The following ABRAXAS1 variants were observed in gnomAD, a reference collection of about 807,000 sequenced individuals.
ABRAXAS1 encodes abraxas 1, BRCA1 A complex subunit, also known as BRCA1-A complex subunit Abraxas 1.
Under a neutral mutation model 38.4 loss-of-function variants are expected in ABRAXAS1, and 26 were observed. The observed-to-expected ratio is 0.68, with a 90% CI of 0.50 to 0.94. ABRAXAS1 has a LOEUF of 0.94. Among genes scored for constraint, ABRAXAS1 ranks in the 40% least tolerant of loss-of-function variants. The pLI, the probability that ABRAXAS1 is intolerant of heterozygous loss-of-function variation, is 0.00. For synonymous variants in ABRAXAS1, 144 were observed against 165.5 expected (o/e 0.87, Z 1.00); for missense variants, 438 against 481.9 (o/e 0.91, Z 0.85).
rs1340107537 is a variant in ABRAXAS1, at chr4:83,469,082, TAC to T, written c.544_545del (p.Val182IlefsTer10). The T allele has an allele frequency of 6.2e-7, 1 of 1,613,936 alleles. No homozygotes were observed. Among genetic ancestry groups the T allele is most frequent in the East Asian group, 2.2e-5 (1 of 44,878 alleles). ...AACCAGTGGACATACAGGAACCTGATACAGTTTTATAACCCAGTTGTTCAGAC... is the reference window on the plus strand; with the variant it reads ...AACCAGTGGACATACAGGAACCTGATAGTTTTATAACCCAGTTGTTCAGAC... The part of the protein sequence containing the change: ...GMSEQLGYKT[V>X]SGSCMSTGFS... On this transcript the variant is annotated frameshift_variant, in exon 6 of 9. Transcript: ENST00000321945. LOFTEE classifies it high-confidence loss of function.
chr4:83,467,654 AC>A, intron 6 of ABRAXAS1, 116 bp from the exon 7 acceptor site: 1 of 624,100 alleles, frequency 1.6e-6, no homozygotes, highest in Non-Finnish European at 2.8e-6. Flanking sequence ...TTTTGTAGGA[AC>A]CATAATTTTG....
At chr4:83,467,354 A>C in intron 7 of ABRAXAS1, 100 bp downstream of exon 7, 1 of 737,932 alleles carries the variant, frequency 1.4e-6, no homozygotes, top group South Asian at 1.5e-5. Flanking sequence ...ATAACTGTAT[A>C]AATCTAATCA....
At position 83,459,732 on chromosome 4, in the gene ABRAXAS1, CA is replaced by C; in HGVS notation, c.*2736del. On this transcript the variant is annotated 3_prime_UTR_variant, in exon 9 of 9. Coordinates refer to ENST00000321945, the MANE Select transcript of ABRAXAS1 (RefSeq NM_139076.3). Reference sequence around the variant, plus strand: ...TTTTTTTCCCCTCCACATAAAACTCCAAAACAGCTTTTGTCCCAGTTTGTTT... The same window carrying C: ...TTTTTTTCCCCTCCACATAAAACTCCAAACAGCTTTTGTCCCAGTTTGTTT... 1 of 1,607,194 alleles carries C rather than the reference CA, an allele frequency of 6.2e-7. No homozygotes were observed. Among genetic ancestry groups the C allele is most frequent in the South Asian group, 1.1e-5 (1 of 89,494 alleles).
At chr4:83,464,517 A>C (rs935363459) in intron 7 of ABRAXAS1, among the ~76,000 whole-genome samples, 2 of 152,180 alleles carry the variant, frequency 1.3e-5, no homozygotes, top group Non-Finnish European at 2.9e-5. Flanking sequence ...ACTAATTAGT[A>C]AAAAAAGCAA....
rs183976857 is a variant in ABRAXAS1, at chr4:83,476,733, T to C, written c.179-54A>G. ...TACATTAATTCAATTCAGAATCACC[T>C]GAATGCTGCATATTGAGCCTTTACC... On this transcript the variant is annotated intron_variant, in intron 2 of 8. Coordinates refer to ENST00000321945, the MANE Select transcript of ABRAXAS1 (RefSeq NM_139076.3). 104 of 1,181,018 alleles carry C rather than the reference T, an allele frequency of 8.8e-5. 1 individual carries two copies. The highest frequency in any genetic ancestry group is 3.0e-5 in the Non-Finnish European group (24 of 794,314). 73.2% of individuals were successfully genotyped at this position (1,181,018 alleles called of 1,614,324 possible). A position where few individuals can be genotyped will look rare whatever the true frequency, so the allele number is the denominator to read the frequency against.
In ABRAXAS1 at chr4:83,469,139, C is replaced by T; in HGVS notation, c.489G>A (p.Arg163=). 2.5e-6 allele frequency: 4 copies of T among 1,613,390 alleles called. No individual in the cohort carries two copies. The highest frequency in any genetic ancestry group is 3.4e-6 in the Non-Finnish European group (4 of 1,179,642). ...CCAGATTGGCAACCACTAAAGGTAC[C>T]CTGTGAAAAAGTCTGACAAAATAAA... ...LYKPQKGLFH[R]VPLVVANLGM... The change falls in exon 6 of 9, where the codon AGG becomes AGA. Residue 163 remains arginine, a synonymous_variant. Transcript: ENST00000321945.
At position 83,462,234 on chromosome 4, in the gene ABRAXAS1, C is replaced by T. The variant is rs1722146013; in HGVS notation, c.*235G>A. ...AAAGAATGTGTCTGTGTAAGCCTTC[C>T]CCTCAACAACTTAGTGAAAGGTGAA... On this transcript the variant is annotated 3_prime_UTR_variant, in exon 9 of 9. Transcript: ENST00000321945. The T allele has an allele frequency of 4.3e-6, 2 of 467,994 alleles. No individual in the cohort carries two copies. The highest frequency in any genetic ancestry group is 3.9e-5 in the African/African-American group (2 of 50,886). 29.0% of individuals were successfully genotyped at this position (467,994 alleles called of 1,614,324 possible).
chr4:83,469,478 G>A (rs1166876661), intron 5 of ABRAXAS1: 6 of 221,660 alleles, frequency 2.7e-5, no homozygotes, highest in African/African-American at 9.1e-5. Flanking sequence ...CACCACACCC[G>A]ACTAATTTTT....
chr4:83,469,573 G>C (rs113919211), intron 5 of ABRAXAS1: 50 of 184,596 alleles, frequency 2.7e-4, no homozygotes, highest in African/African-American at 1.2e-3. Flanking sequence ...TTACAGGTAT[G>C]AGTCACCACA....
chr4:83,463,620 A>G lies in ABRAXAS1; in HGVS notation c.682-12T>C. 1.3e-6 allele frequency: 2 copies of G among 1,485,810 alleles called. No individual in the cohort carries two copies. The highest frequency in any genetic ancestry group is 1.9e-6 in the Non-Finnish European group (2 of 1,071,878). The allele number at this position is 1,485,810 out of a possible 1,614,324, so 92.0% of individuals were successfully genotyped here. ...TTTTTGCATATACTCTGCAAAATAA[A>G]GTAATTTAAGGGCATAGGTAATATT... On this transcript the variant is annotated splice_polypyrimidine_tract_variant and intron_variant, in intron 7 of 8. Coordinates refer to ENST00000321945, the MANE Select transcript of ABRAXAS1 (RefSeq NM_139076.3).
intron 7 of ABRAXAS1, 150 bp from the exon 8 acceptor site, chr4:83,463,758 TGTCA>T (rs1722241032): frequency 2.3e-6 from 1 of 430,808 alleles, no homozygotes; most frequent in Admixed American, 4.2e-5. Flanking sequence ...TTCTGGAGGA[TGTCA>T]GTAACAAGCA....
chr4:83,482,120 G>A, intron 2 of ABRAXAS1, 34 bp downstream of exon 2: 1 of 1,313,464 alleles, frequency 7.6e-7, no homozygotes, highest in East Asian at 2.3e-5. Context: ...AGGAGACACA[G>A]ATGATTCAAA....
chr4:83,478,362 C>T (rs922602479), intron 2 of ABRAXAS1: 15 of 587,812 alleles, frequency 2.6e-5, no homozygotes, highest in African/African-American at 3.7e-5. Flanking sequence ...CTGGCTTTGG[C>T]GTGGACCCTG....
At position 83,461,037 on chromosome 4, in the gene ABRAXAS1, G is replaced by C. The variant is rs750295282; in HGVS notation, c.*1432C>G. 30 of 1,612,798 alleles carry C rather than the reference G, an allele frequency of 1.9e-5. No individual in the cohort carries two copies. The highest frequency in any genetic ancestry group is 1.5e-4 in the South Asian group (14 of 90,940). On this transcript the variant is annotated 3_prime_UTR_variant, in exon 9 of 9. Coordinates refer to ENST00000321945, the MANE Select transcript of ABRAXAS1 (RefSeq NM_139076.3). ...TTAAGAGAGCTCAAATAATGGGTAA[G>C]AAAGAATACCTCAACAACTGAATTG... is the stretch of plus-strand genomic sequence containing the variant.
chr4:83,463,160 TG>T (rs1722208046), intron 8 of ABRAXAS1, among the ~76,000 whole-genome samples: 1 of 152,250 alleles, frequency 6.6e-6, no homozygotes, highest in Non-Finnish European at 1.5e-5. Flanking sequence ...CCGAGCGCAG[TG>T]GCTCACACCT....
intron 6 of ABRAXAS1, 56 bp downstream of exon 6, chr4:83,468,976 A>G (rs1369057845): frequency 1.9e-6 from 3 of 1,580,180 alleles, no homozygotes; most frequent in Non-Finnish European, 2.6e-6. Flanking sequence ...TTGAGAAATA[A>G]GAAAATTAAT....
chr4:83,480,495 T>C (rs952833803), intron 2 of ABRAXAS1: 5 of 219,902 alleles, frequency 2.3e-5, no homozygotes, highest in Non-Finnish European at 4.7e-5. Context: ...AGGAAACTAA[T>C]GAGAGTTTAA....
At chr4:83,473,892 G>T (rs910453784) in intron 3 of ABRAXAS1, among the ~76,000 whole-genome samples, 1 of 151,688 alleles carries the variant, frequency 6.6e-6, no homozygotes, top group African/African-American at 2.4e-5. Flanking sequence ...AGCACTTTGG[G>T]AGGCTGAGGT....
intron 3 of ABRAXAS1, among the ~76,000 whole-genome samples, chr4:83,475,965 G>A (rs1722749145): frequency 6.6e-6 from 1 of 152,220 alleles, no homozygotes; most frequent in African/African-American, 2.4e-5. Flanking sequence ...ACTTTGGGAA[G>A]CAGAGGAAGG....
Sources: allele counts gnomAD v4.1 joint callset (sites outside exome capture counted in the v4.1 genomes callset), GRCh38; gene constraint gnomAD v4.1.1; transcripts MANE v1.5; gene names NCBI Gene and HGNC (gene_info 2026-07-23, HGNC 2026-07-21).